Variants in ZNF292 observed in about 807,000 individuals in gnomAD.
ZNF292 encodes zinc finger protein 292, also known as 16 zinc-finger domain protein.
Under a neutral mutation model 217.9 loss-of-function variants are expected in ZNF292, and 26 were observed. That is an observed-to-expected ratio of 0.12 (90% CI 0.09 to 0.17). ZNF292 has a LOEUF of 0.17. Ranked by LOEUF, ZNF292 falls within the 10% of genes least tolerant of loss-of-function variation. The probability of loss-of-function intolerance (pLI) is 1.00; values close to 1 mark genes in which losing one functional copy is unlikely to be tolerated. For missense variants in ZNF292, 2,904 were observed against 3,175.2 expected, an observed-to-expected ratio of 0.91 and a Z score of 2.05; for synonymous variants, 1,257 against 1,124.1, an observed-to-expected ratio of 1.12 and a Z score of -2.37.
In ZNF292 at chr6:87,259,114, G is replaced by C. The variant is rs199955230; in HGVS notation, c.5485G>C (p.Glu1829Gln). ...MPTKSNIPQS[E>Q]VSHKEDQIQE... ...AACAAAAAGTAACATTCCTCAGTCTGAAGTATCACATAAGGAGGATCAAAT... is the reference window on the plus strand; with the variant it reads ...AACAAAAAGTAACATTCCTCAGTCTCAAGTATCACATAAGGAGGATCAAAT... The change falls in exon 8 of 8, where the codon GAA (glutamate) becomes CAA (glutamine). Residue 1829 changes from glutamate (E) to glutamine (Q), a missense_variant. Glu to Gln is a conservative substitution (Grantham distance 29, BLOSUM62 2). This residue lies in a region of ZNF292 where 622 missense variants were observed against 573.1 expected (regional missense o/e 1.09). Coordinates refer to ENST00000369577, the MANE Select transcript of ZNF292 (RefSeq NM_015021.3). 2 of 1,613,292 alleles carry C rather than the reference G, an allele frequency of 1.2e-6. No homozygotes were observed. The highest frequency in any genetic ancestry group is 1.7e-6 in the Non-Finnish European group (2 of 1,179,620).
Position 87,215,757 on chromosome 6 carries a change from T to C in ZNF292, c.169-146T>C, listed in dbSNP as rs985504813. ...AAATATGACTATGACTTTATTTCAT[T>C]TAATATTTTAATCAATATAAACTAC... On this transcript the variant is annotated intron_variant, in intron 1 of 7. Transcript: ENST00000369577. 4.0e-5 allele frequency: 22 copies of C among 549,070 alleles called. 1 individual carries two copies. Among genetic ancestry groups the C allele is most frequent in the South Asian group, 2.0e-4 (7 of 35,374 alleles). The allele number at this position is 549,070 out of a possible 1,614,324, so 34.0% of individuals were successfully genotyped here. A position where few individuals can be genotyped will look rare whatever the true frequency, so the allele number is the denominator to read the frequency against.
At chr6:87,200,189 A>G (rs945695648) in intron 1 of ZNF292, among the ~76,000 whole-genome samples, 10 of 152,248 alleles carry the variant, frequency 6.6e-5, no homozygotes, top group Non-Finnish European at 1.2e-4. Context: ...ATGTTGGGCT[A>G]AAGTCTTCAC....
At position 87,261,709 on chromosome 6, in the gene ZNF292, C is replaced by T; in HGVS notation, c.8080C>T (p.Leu2694=). 1 of 1,612,962 alleles carries T rather than the reference C, an allele frequency of 6.2e-7. No homozygotes were observed. The change falls in exon 8 of 8, where the codon CTG becomes TTG. Residue 2694 remains leucine, a synonymous_variant. Transcript: ENST00000369577. The part of the protein sequence containing the change: ...QLQEMKPTVS[L]KKLEVHSNDP... Reference sequence around the variant, plus strand: ...TCAGGAAATGAAACCTACCGTCAGTCTGAAAAAACTTGAAGTACATTCAAA... The same window carrying T: ...TCAGGAAATGAAACCTACCGTCAGTTTGAAAAAACTTGAAGTACATTCAAA...
At chr6:87,180,700 A>G (rs1240629775) in intron 1 of ZNF292, among the ~76,000 whole-genome samples, 1 of 151,946 alleles carries the variant, frequency 6.6e-6, no homozygotes, top group Non-Finnish European at 1.5e-5. Context: ...AGGGAGAACT[A>G]CTTTGCCATC....
chr6:87,193,391 A>G (rs1771871030), intron 1 of ZNF292, among the ~76,000 whole-genome samples: 1 of 152,084 alleles, frequency 6.6e-6, no homozygotes, highest in African/African-American at 2.4e-5. Context: ...CAAAAATTCA[A>G]AAATTAGCCA....
At chr6:87,239,919 G>A (rs1017585725) in intron 5 of ZNF292, among the ~76,000 whole-genome samples, 2 of 151,798 alleles carry the variant, frequency 1.3e-5, no homozygotes, top group Admixed American at 1.3e-4. Context: ...GGGTGGCCAG[G>A]CAGAGACGCT....
intron 7 of ZNF292, among the ~76,000 whole-genome samples, chr6:87,251,085 C>G (rs568605549): frequency 6.6e-6 from 1 of 151,746 alleles, no homozygotes; most frequent in Non-Finnish European, 1.5e-5. Context: ...TTCCTAGTCA[C>G]AGAAAAAAAC....
In ZNF292 at chr6:87,258,323, G is replaced by A. The variant is rs1775354536; in HGVS notation, c.4694G>A (p.Ser1565Asn). 6.2e-7 allele frequency: 1 copy of A among 1,613,482 alleles called. No homozygotes were observed. The highest frequency in any genetic ancestry group is 1.3e-5 in the African/African-American group (1 of 74,912). The change falls in exon 8 of 8, where the codon AGC (serine) becomes AAC (asparagine). Residue 1565 changes from serine to asparagine, a missense_variant. Physicochemically the swap from Ser to Asn is conservative, Grantham distance 46. Transcript: ENST00000369577. ...NSKTSSIEEC[S>N]SLPVFPTNDL... is the part of the protein sequence containing the mutation. The stretch of plus-strand genomic sequence containing the variant: ...AAAACTTCCTCCATTGAGGAATGTA[G>A]CAGCTTGCCTGTTTTTCCAACGAAT...
At position 87,264,321 on chromosome 6, in the gene ZNF292, T is replaced by C. The variant is rs1340843223; in HGVS notation, c.*2520T>C. The C allele has an allele frequency of 5.3e-5, 8 of 152,230 alleles. No homozygotes were observed. Among genetic ancestry groups the C allele is most frequent in the African/African-American group, 1.7e-4 (7 of 41,470 alleles). 9.4% of individuals were successfully genotyped at this position (152,230 alleles called of 1,614,324 possible). On this transcript the variant is annotated 3_prime_UTR_variant, in exon 8 of 8. Transcript: ENST00000369577. ...AAAGTTTGCATATTACAGGTCAGAA[T>C]TGTATTATTCAAAATACATCACCTT...
rs1483044098 is a variant in ZNF292, at chr6:87,264,403, A to C, written c.*2602A>C. Among the ~76,000 whole-genome samples, 1 of 152,238 alleles carries C rather than the reference A, an allele frequency of 6.6e-6. No individual in the cohort carries two copies. The highest frequency in any genetic ancestry group is 2.4e-5 in the African/African-American group (1 of 41,456). ...ACGGTGTTAAATTTAACATAGGTAC[A>C]TTATTATTTTAAAGGGCTAGACATA... On this transcript the variant is annotated 3_prime_UTR_variant, in exon 8 of 8. Transcript: ENST00000369577.
At chr6:87,232,156 G>T (rs984398253) in intron 4 of ZNF292, among the ~76,000 whole-genome samples, 2 of 152,022 alleles carry the variant, frequency 1.3e-5, no homozygotes, top group African/African-American at 4.8e-5. Flanking sequence ...TTCAAGAAAA[G>T]GATTAGATTT....
intron 1 of ZNF292, 106 bp from the exon 2 acceptor site, chr6:87,215,797 A>G: frequency 1.3e-6 from 1 of 790,352 alleles, no homozygotes. Flanking sequence ...TGTTTTTATA[A>G]ATAAAAATCT....
chr6:87,159,220 T>G (rs1304509957), intron 1 of ZNF292, among the ~76,000 whole-genome samples: 4 of 152,172 alleles, frequency 2.6e-5, no homozygotes, highest in Admixed American at 2.6e-4. Flanking sequence ...GTTTTTCTTA[T>G]TAACAGTGTT....
At chr6:87,177,001 C>T (rs1459414085) in intron 1 of ZNF292, among the ~76,000 whole-genome samples, 1 of 150,614 alleles carries the variant, frequency 6.6e-6, no homozygotes, top group African/African-American at 2.5e-5. Context: ...CCTCCCCCGG[C>T]CCCCCACTCC....
intron 1 of ZNF292, among the ~76,000 whole-genome samples, chr6:87,156,261 G>C (rs1449298540): frequency 1.3e-5 from 2 of 152,128 alleles, no homozygotes; most frequent in Non-Finnish European, 2.9e-5. Flanking sequence ...GGCTGTCTCC[G>C]GGCCTTTGTT....
At chr6:87,196,854 C>G (rs751463043) in intron 1 of ZNF292, among the ~76,000 whole-genome samples, 1 of 151,994 alleles carries the variant, frequency 6.6e-6, no homozygotes, top group Admixed American at 6.6e-5. Context: ...CATAAAAAGA[C>G]GGACATATTT....
At chr6:87,168,439 G>C (rs1270761383) in intron 1 of ZNF292, among the ~76,000 whole-genome samples, 1 of 152,180 alleles carries the variant, frequency 6.6e-6, no homozygotes, top group Non-Finnish European at 1.5e-5. Flanking sequence ...CCTTATTGAT[G>C]CCTGATATAT....
Position 87,263,618 on chromosome 6 carries a change from C to T in ZNF292, c.*1817C>T, listed in dbSNP as rs1264402682. 1 of 151,850 alleles carries T rather than the reference C, an allele frequency of 6.6e-6. No individual in the cohort carries two copies. The highest frequency in any genetic ancestry group is 1.5e-5 in the Non-Finnish European group (1 of 67,932). 9.4% of individuals were successfully genotyped at this position (151,850 alleles called of 1,614,324 possible). ...CTACCAATAAGCATAAAACCTGACA[C>T]GTTAAAATCCCTGCCCTTTGGTGAG... On this transcript the variant is annotated 3_prime_UTR_variant, in exon 8 of 8. Transcript: ENST00000369577.
intron 7 of ZNF292, among the ~76,000 whole-genome samples, chr6:87,250,042 A>C (rs1217121184): frequency 6.6e-6 from 1 of 151,416 alleles, no homozygotes; most frequent in Non-Finnish European, 1.5e-5. Flanking sequence ...AAAAACAAAA[A>C]AAAAAACTCC....
Sources: gnomAD v4.1 joint callset for allele counts (sites outside exome capture counted in the v4.1 genomes callset) on GRCh38, gnomAD v4.1.1 for gene constraint, gnomAD v4.1.1 regional missense constraint, MANE v1.5 for transcripts, NCBI Gene and HGNC (gene_info 2026-07-23, HGNC 2026-07-21) for gene names.